Variants in DSP observed in about 807,000 individuals in gnomAD.
DSP encodes desmoplakin.
Under a neutral mutation model 290.6 loss-of-function variants are expected in DSP, and 114 were observed. That is an observed-to-expected ratio of 0.39 (90% CI 0.34 to 0.46). DSP has a LOEUF of 0.46. DSP is among the 20% of genes least tolerant of loss of function. The pLI, the probability that DSP is intolerant of heterozygous loss-of-function variation, is 0.99. For synonymous variants in DSP, 1,311 were observed against 1,316.4 expected, an observed-to-expected ratio of 1.00 and a Z score of 0.09; for missense variants, 3,230 against 3,495.8, an observed-to-expected ratio of 0.92 and a Z score of 1.92.
Position 7,583,160 on chromosome 6 carries a change from G to A in DSP, c.5898G>A (p.Leu1966=), listed in dbSNP as rs1026631797. Residue 1966 remains leucine, a synonymous_variant, in exon 24 of 24, where the codon CTG becomes CTA. Transcript: ENST00000379802. This position sits in a 1 kb window ranked among gnomAD's most constrained non-coding sequence, Gnocchi z 4.0. ...AGTGGACCGTTGACACCTCCAAGCT[G>A]GTGTTTGATGGGCTGAGGAAGAAGG... The part of the protein sequence containing the change: ...ECEWTVDTSK[L]VFDGLRKKVT... 1 of 1,614,056 alleles carries A rather than the reference G, an allele frequency of 6.2e-7. No homozygotes were observed. The highest frequency in any genetic ancestry group is 8.5e-7 in the Non-Finnish European group (1 of 1,180,006).
rs777066674 is a variant in DSP at position 7,585,085 on chromosome 6, C to A, written c.7823C>A (p.Ser2608Tyr). ...SVRNLTIRSS[S>Y]FSDTLEESSP... ...AGGAATTTAACCATAAGGAGCAGCT[C>A]TTTTTCAGACACCCTGGAAGAATCG... The change falls in exon 24 of 24, where the codon TCT becomes TAT. Residue 2608 changes from serine (S) to tyrosine (Y), a missense_variant. Around this residue, in one of 5 missense-constraint regions of DSP, gnomAD observed 582 missense variants for 555.4 expected, o/e 1.05. Transcript: ENST00000379802. 9 of 1,614,084 alleles carry A rather than the reference C, an allele frequency of 5.6e-6. No homozygotes were observed. Among genetic ancestry groups the A allele is most frequent in the Non-Finnish European group, 7.6e-6 (9 of 1,180,038 alleles).
At chr6:7,581,599 C>G in intron 23 of DSP, 30 bp downstream of exon 23, 1 of 1,609,522 alleles carries the variant, frequency 6.2e-7, no homozygotes, top group South Asian at 1.1e-5. Flanking sequence ...CACAGCTTCA[C>G]TGTTTCTCAA....
chr6:7,584,149 C>T lies in DSP; in HGVS notation c.6887C>T (p.Ala2296Val), dbSNP rs1447556321. The T allele has an allele frequency of 1.9e-6, 3 of 1,614,068 alleles. No individual in the cohort carries two copies. The African/African-American group carries it at 4.0e-5, about 22-fold the overall frequency. Residue 2296 changes from alanine (A) to valine (V), a missense_variant, in exon 24 of 24, where the codon GCA (alanine) becomes GTA (valine). Transcript: ENST00000379802. This position sits in a 1 kb window ranked among gnomAD's most constrained non-coding sequence, Gnocchi z 6.4. ...GTALELLEAQAATGFIVDPVS... is the reference protein window; with the variant it reads ...GTALELLEAQVATGFIVDPVS... ...GCTCTGGAGTTGCTGGAAGCCCAAG[C>T]AGCTACTGGCTTTATAGTGGATCCT... is the stretch of plus-strand genomic sequence containing the variant.
intron 1 of DSP, among the ~76,000 whole-genome samples, chr6:7,553,015 T>C (rs2113649468): frequency 6.6e-6 from 1 of 152,388 alleles, no homozygotes; most frequent in Middle Eastern, 3.4e-3. Flanking sequence ...CAATTGTGTT[T>C]GTCCTCCCTG....
Position 7,565,882 on chromosome 6 carries a change from G to A in DSP, c.939+362G>A, listed in dbSNP as rs1439410390. Reference sequence around the variant, plus strand: ...CAGGCAAGATAACTAATGGGTACTAGGCTTAATCGTGGGTGATGAAATAAC... The same window carrying A: ...CAGGCAAGATAACTAATGGGTACTAAGCTTAATCGTGGGTGATGAAATAAC... On this transcript the variant is annotated intron_variant, in intron 7 of 23. Coordinates refer to ENST00000379802, the MANE Select transcript of DSP (RefSeq NM_004415.4). This position sits in a 1 kb window ranked among gnomAD's most constrained non-coding sequence, Gnocchi z 4.2. 2.7e-6 allele frequency: 1 copy of A among 367,528 alleles called. No homozygotes were observed. The highest frequency in any genetic ancestry group is 6.7e-5 in the East Asian group (1 of 14,960). The allele number at this position is 367,528 out of a possible 1,614,324, so 22.8% of individuals were successfully genotyped here.
intron 1 of DSP, among the ~76,000 whole-genome samples, chr6:7,547,602 T>A (rs1472928514): frequency 9.2e-5 from 5 of 54,620 alleles, no homozygotes; most frequent in South Asian, 4.2e-4. Context: ...CTAATTAAAA[T>A]TTTTTTTTTT....
intron 1 of DSP, among the ~76,000 whole-genome samples, chr6:7,548,696 G>A (rs1581784832): frequency 6.6e-6 from 1 of 152,310 alleles, no homozygotes; most frequent in African/African-American, 2.4e-5. Flanking sequence ...AGGATCAAAG[G>A]AGGCTGTCTT....
rs1289962465 is a variant in DSP at position 7,577,785 on chromosome 6, G to A, written c.2884G>A (p.Glu962Lys). The A allele has an allele frequency of 1.2e-6, 2 of 1,613,652 alleles. No homozygotes were observed. The highest frequency in any genetic ancestry group is 1.7e-5 in the Admixed American group (1 of 60,012). The change falls in exon 21 of 24, where the codon GAG (glutamate) becomes AAG (lysine). Residue 962 changes from glutamate (E) to lysine (K), a missense_variant. Around this residue, in one of 5 missense-constraint regions of DSP, gnomAD observed 1,714 missense variants for 1,844.5 expected, o/e 0.93. Transcript: ENST00000379802. The stretch of plus-strand genomic sequence containing the variant: ...AAACTTCATTATGCTGCAGGATTAT[G>A]AGCTCCAGCTGGCCTCATACACCTC... Reference protein sequence around the residue: ...ELCANSIKDYELQLASYTSGL... With the variant: ...ELCANSIKDYKLQLASYTSGL...
In DSP at chr6:7,584,192, A is replaced by G. The variant is rs1759552189; in HGVS notation, c.6930A>G (p.Leu2310=). Residue 2310 remains leucine (L), a synonymous_variant, in exon 24 of 24, where the codon TTA becomes TTG. Coordinates refer to ENST00000379802, the MANE Select transcript of DSP (RefSeq NM_004415.4). The surrounding 1 kb of genome is among the most constrained non-coding windows in gnomAD (Gnocchi z 6.4). ...FIVDPVSNLR[L]PVEEAYKRGL... ...TGGATCCTGTTAGCAACTTGAGGTT[A>G]CCAGTGGAGGAAGCCTACAAGAGAG... is the stretch of plus-strand genomic sequence containing the variant. 5 of 1,614,046 alleles carry G rather than the reference A, an allele frequency of 3.1e-6. No individual in the cohort carries two copies. The highest frequency in any genetic ancestry group is 4.2e-6 in the Non-Finnish European group (5 of 1,180,026).
intron 1 of DSP, among the ~76,000 whole-genome samples, chr6:7,547,508 G>A (rs1758200678): frequency 6.6e-6 from 1 of 152,116 alleles, no homozygotes; most frequent in Non-Finnish European, 1.5e-5. Flanking sequence ...GCTCACTGCA[G>A]TCTTGACCAC....
intron 1 of DSP, among the ~76,000 whole-genome samples, chr6:7,552,577 A>AG (rs1758372735): frequency 6.6e-6 from 1 of 151,704 alleles, no homozygotes; most frequent in African/African-American, 2.4e-5. Context: ...AAAAAAAAAA[A>AG]AAAAGAACAT....
In DSP at chr6:7,559,300, C is replaced by T. The variant is rs1060500620; in HGVS notation, c.497C>T (p.Ser166Phe). Residue 166 changes from serine (S) to phenylalanine (F), a missense_variant, in exon 4 of 24, where the codon TCC becomes TTC. By Grantham distance (155) the Ser-to-Phe change is radical. Transcript: ENST00000379802. ...ISVPRVRRASSKGGGGYTCQS... is the reference protein window; with the variant it reads ...ISVPRVRRASFKGGGGYTCQS... ...GTCCCTCGAGTCCGCAGGGCCAGCT[C>T]CAAGGGTGGTGGAGGCTACACTTGT... The T allele has an allele frequency of 6.2e-7, 1 of 1,613,956 alleles. No individual in the cohort carries two copies. The highest frequency in any genetic ancestry group is 8.5e-7 in the Non-Finnish European group (1 of 1,180,028).
In DSP at chr6:7,576,433, A is replaced by G. The variant is rs2113686779; in HGVS notation, c.2770A>G (p.Met924Val). ...SMKFGDSNTVMRFLNEQKNLH... is the reference protein window; with the variant it reads ...SMKFGDSNTVVRFLNEQKNLH... ...GAAATTTGGAGATTCCAACACAGTC[A>G]TGCGGTTTTTGAATGAGCAGAAGGT... The change falls in exon 19 of 24, where the codon ATG (methionine) becomes GTG (valine). Residue 924 changes from methionine to valine, a missense_variant. This residue lies in a region of DSP where 1,714 missense variants were observed against 1,844.5 expected (regional missense o/e 0.93). Coordinates refer to ENST00000379802, the MANE Select transcript of DSP (RefSeq NM_004415.4). 5 of 1,614,138 alleles carry G rather than the reference A, an allele frequency of 3.1e-6. No homozygotes were observed. In the South Asian group the frequency reaches 4.4e-5, roughly 14 times the overall value.
intron 11 of DSP, 131 bp from the exon 12 acceptor site, chr6:7,569,055 C>T: frequency 3.2e-6 from 4 of 1,241,822 alleles, no homozygotes; most frequent in Non-Finnish European, 4.5e-6. Flanking sequence ...TGATGATCAG[C>T]TTCATTTGAG....
At position 7,542,030 on chromosome 6, in the gene DSP, A is replaced by G. The variant is rs781541879; in HGVS notation, c.115A>G (p.Arg39Gly). ...GACCAGCGGCGGCGGGGGCACCAGC[A>G]GGATGTACTATTCTCGGCGCGGCGT... ...EVTSGGGGTS[R>G]MYYSRRGVIT... The change falls in exon 1 of 24, where the codon AGG becomes GGG. Residue 39 changes from arginine to glycine, a missense_variant. Physicochemically the swap from Arg to Gly is moderately radical, Grantham distance 125. Coordinates refer to ENST00000379802, the MANE Select transcript of DSP (RefSeq NM_004415.4). The G allele has an allele frequency of 1.3e-6, 2 of 1,580,770 alleles. No homozygotes were observed. The highest frequency in any genetic ancestry group is 1.3e-5 in the African/African-American group (1 of 74,128).
At chr6:7,569,709 C>T (rs1335000242) in intron 12 of DSP, among the ~76,000 whole-genome samples, 1 of 152,040 alleles carries the variant, frequency 6.6e-6, no homozygotes, top group East Asian at 1.9e-4. Context: ...TGGTACATGC[C>T]TGTAATCCCA....
In DSP at chr6:7,577,883, A is replaced by C. The variant is rs760942030; in HGVS notation, c.2982A>C (p.Gln994His). 1.9e-6 allele frequency: 3 copies of C among 1,612,618 alleles called. 1 individual carries two copies. The highest frequency in any genetic ancestry group is 2.5e-6 in the Non-Finnish European group (3 of 1,178,708). ...MIQSPSGVIL[Q>H]EAADVHARYI... ...AGTCCCCTTCTGGGGTGATTCTGCA[A>C]GAGGTATATATGTCATCACATATCT... is the stretch of plus-strand genomic sequence containing the variant. Residue 994 changes from glutamine to histidine, a missense_variant, in exon 21 of 24, where the codon CAA becomes CAC. By Grantham distance (24) the Gln-to-His change is conservative. Coordinates refer to ENST00000379802, the MANE Select transcript of DSP (RefSeq NM_004415.4).
chr6:7,585,235 G>T lies in DSP; in HGVS notation c.7973G>T (p.Gly2658Val), dbSNP rs764020203. Residue 2658 changes from glycine to valine, a missense_variant, in exon 24 of 24, where the codon GGT becomes GTT. Around this residue, in one of 5 missense-constraint regions of DSP, gnomAD observed 582 missense variants for 555.4 expected, o/e 1.05. Transcript: ENST00000379802. Reference protein sequence around the residue: ...QRLLEAQACTGGIIHPTTGQK... With the variant: ...QRLLEAQACTVGIIHPTTGQK... ...CTTCTGGAGGCTCAGGCCTGCACAG[G>T]TGGCATCATCCACCCAACCACGGGC... 4 of 1,614,178 alleles carry T rather than the reference G, an allele frequency of 2.5e-6. No homozygotes were observed. The highest frequency in any genetic ancestry group is 3.4e-6 in the Non-Finnish European group (4 of 1,180,046).
rs1581819869 is a variant in DSP, at chr6:7,582,231, T to C, written c.5380-411T>C. Among the ~76,000 whole-genome samples, 1 of 81,326 alleles carries C rather than the reference T, an allele frequency of 1.2e-5. No homozygotes were observed. The highest frequency in any genetic ancestry group is 2.5e-5 in the Non-Finnish European group (1 of 40,620). 53.4% of individuals were successfully genotyped at this position (81,326 alleles called of 152,430 possible). ...ATATATATTTATCTATAATATATAT[T>C]TTATATAATATATATCTTCATATAT... On this transcript the variant is annotated intron_variant, in intron 23 of 23. Transcript: ENST00000379802. The surrounding 1 kb of genome is among the most constrained non-coding windows in gnomAD (Gnocchi z 4.2).
Sources: allele counts gnomAD v4.1 joint callset (sites outside exome capture counted in the v4.1 genomes callset), GRCh38; gene constraint gnomAD v4.1.1; regional missense constraint gnomAD v4.1.1; non-coding constraint Gnocchi (gnomAD v3.1); transcripts MANE v1.5; gene names NCBI Gene and HGNC (gene_info 2026-07-23, HGNC 2026-07-21).